PIEZO2: variants seen among roughly 807,000 people sequenced by gnomAD.
The protein encoded by PIEZO2 is piezo-type mechanosensitive ion channel component 2.
A neutral mutation model predicts 337.3 loss-of-function variants in PIEZO2; 172 were observed. The observed-to-expected ratio is 0.51, with a 90% CI of 0.45 to 0.58. The LOEUF (loss-of-function observed/expected upper bound fraction) is 0.58. Ranked by LOEUF, PIEZO2 falls within the 20% of genes least tolerant of loss-of-function variation. The pLI, the probability that PIEZO2 is intolerant of heterozygous loss-of-function variation, is 0.00. For synonymous variants in PIEZO2, 1,251 were observed against 1,228.5 expected, an observed-to-expected ratio of 1.02 and a Z score of -0.38; for missense variants, 3,028 against 3,391.3, an observed-to-expected ratio of 0.89 and a Z score of 2.66.
intron 2 of PIEZO2, among the ~76,000 whole-genome samples, chr18:11,040,330 C>T (rs1027272700): frequency 2.0e-5 from 3 of 152,192 alleles, no homozygotes; most frequent in African/African-American, 4.8e-5. Flanking sequence ...AGTTTAGAGA[C>T]ATTATTTTAT....
chr18:10,783,873 A>G lies in PIEZO2; in HGVS notation c.2492+911T>C, dbSNP rs2039118103. Among the ~76,000 whole-genome samples the G allele has an allele frequency of 6.6e-6, 1 of 152,224 alleles. No homozygotes were observed. Among genetic ancestry groups the G allele is most frequent in the African/African-American group, 2.4e-5 (1 of 41,458 alleles). On this transcript the variant is annotated intron_variant, in intron 17 of 55. Transcript: ENST00000674853. This position sits in a 1 kb window ranked among gnomAD's most constrained non-coding sequence, Gnocchi z 4.3. ...TAGTTCCTACACAGCAGAACGCTGG[A>G]AGTTTGGCATTTTACGAAATGCATA... is the stretch of plus-strand genomic sequence containing the variant.
intron 15 of PIEZO2, 28 bp from the exon 16 acceptor site, chr18:10,787,212 A>G (rs149949490): frequency 7.4e-7 from 1 of 1,348,942 alleles, no homozygotes; most frequent in South Asian, 1.4e-5. Flanking sequence ...AAAAAAAAAA[A>G]TGAGAAAAAA....
intron 2 of PIEZO2, among the ~76,000 whole-genome samples, chr18:11,007,956 T>C (rs537090663): frequency 6.6e-6 from 1 of 152,244 alleles, no homozygotes; most frequent in African/African-American, 2.4e-5. Flanking sequence ...TGAATAAATA[T>C]AAAACATGCG....
At position 10,748,493 on chromosome 18, in the gene PIEZO2, C is replaced by T. The variant is rs1167919021; in HGVS notation, c.4402G>A (p.Ala1468Thr). ...YFLHVVADIK[A>T]SQILASRGAE... ...CACCTTGATGCCAGAATCTGGGAAG[C>T]TTTTATATCAGCCACAACATGTAGA... The change falls in exon 30 of 56, where the codon GCT becomes ACT. Residue 1468 changes from alanine (A) to threonine (T), a missense_variant. This residue lies in a region of PIEZO2 where 1,925 missense variants were observed against 2,051.9 expected (regional missense o/e 0.94). Transcript: ENST00000674853. The surrounding 1 kb of genome is among the most constrained non-coding windows in gnomAD (Gnocchi z 5.1). 2 of 1,536,884 alleles carry T rather than the reference C, an allele frequency of 1.3e-6. No homozygotes were observed. The highest frequency in any genetic ancestry group is 3.9e-5 in the Admixed American group (2 of 50,964).
intron 20 of PIEZO2, 89 bp from the exon 21 acceptor site, chr18:10,770,397 G>A: frequency 1.5e-6 from 2 of 1,308,222 alleles, no homozygotes; most frequent in Non-Finnish European, 2.0e-6. Context: ...GTTGGAATGA[G>A]AGGCTGCAAA....
chr18:10,858,021 A>T (rs1306997804), intron 5 of PIEZO2, among the ~76,000 whole-genome samples: 7 of 134,596 alleles, frequency 5.2e-5, no homozygotes, highest in Admixed American at 1.5e-4. Flanking sequence ...TTTTTTTTTT[A>T]AAGAAATCAT....
At chr18:10,782,908 C>T (rs575252036) in intron 17 of PIEZO2, among the ~76,000 whole-genome samples, 65 of 152,262 alleles carry the variant, frequency 4.3e-4, no homozygotes, top group African/African-American at 1.5e-3. Context: ...TAGGTCCAAA[C>T]CTTGGGAGTC....
In PIEZO2 at chr18:10,945,378, G is replaced by A. The variant is rs570162837; in HGVS notation, c.287-34150C>T. 1.3e-5 allele frequency among the ~76,000 whole-genome samples: 2 copies of A among 152,256 alleles called. No homozygotes were observed. The highest frequency in any genetic ancestry group is 3.9e-4 in the East Asian group (2 of 5,170). On this transcript the variant is annotated intron_variant, in intron 3 of 55. Transcript: ENST00000674853. The surrounding 1 kb of genome is among the most constrained non-coding windows in gnomAD (Gnocchi z 4.0). ...CTAAAAGACCCTCTCTTCCTTAAGA[G>A]AGAACAGTGCCCACCTTTCTCACAG... is the stretch of plus-strand genomic sequence containing the variant.
At chr18:10,812,621 C>T (rs1004207804) in intron 7 of PIEZO2, among the ~76,000 whole-genome samples, 3 of 152,180 alleles carry the variant, frequency 2.0e-5, no homozygotes, top group Non-Finnish European at 4.4e-5. Flanking sequence ...AGTCTTCCCC[C>T]TGAGGTCCAG....
rs1365509678 is a variant in PIEZO2 at position 11,078,771 on chromosome 18, G to A, written c.65-12549C>T. ...ATGAATTGGATGAATGCCTCAAAAT[G>A]AACCTCTTTTGCCAGATCTCTTCAG... On this transcript the variant is annotated intron_variant, in intron 1 of 55. Transcript: ENST00000674853. The surrounding 1 kb of genome is among the most constrained non-coding windows in gnomAD (Gnocchi z 5.3). 6.6e-6 allele frequency among the ~76,000 whole-genome samples: 1 copy of A among 152,192 alleles called. No individual in the cohort carries two copies. Among genetic ancestry groups the A allele is most frequent in the East Asian group, 1.9e-4 (1 of 5,188 alleles).
At chr18:10,695,251 T>C (rs927752790) in intron 47 of PIEZO2, among the ~76,000 whole-genome samples, 25 of 152,228 alleles carry the variant, frequency 1.6e-4, no homozygotes, top group African/African-American at 4.1e-4. Context: ...AAGTGTTATC[T>C]GAACAGAGAT....
intron 7 of PIEZO2, among the ~76,000 whole-genome samples, chr18:10,844,510 C>T (rs1399721746): frequency 2.7e-5 from 4 of 150,608 alleles, no homozygotes; most frequent in Non-Finnish European, 4.4e-5. Flanking sequence ...ACCTACTGGC[C>T]GGGCACGGTG....
chr18:11,033,628 G>A lies in PIEZO2; in HGVS notation c.160+32499C>T, dbSNP rs1196475258. On this transcript the variant is annotated intron_variant, in intron 2 of 55. Transcript: ENST00000674853. This position sits in a 1 kb window ranked among gnomAD's most constrained non-coding sequence, Gnocchi z 4.2. ...GCATTTCACTGAAAAAAGCTAGTCT[G>A]AAAACATAAACCATATAACGAGTCA... 6.6e-6 allele frequency among the ~76,000 whole-genome samples: 1 copy of A among 152,122 alleles called. No homozygotes were observed. The highest frequency in any genetic ancestry group is 1.5e-5 in the Non-Finnish European group (1 of 68,022).
chr18:10,774,467 T>C (rs1421818814), intron 18 of PIEZO2, among the ~76,000 whole-genome samples: 1 of 151,108 alleles, frequency 6.6e-6, no homozygotes, highest in African/African-American at 2.4e-5. Context: ...CCATGGAAGC[T>C]AAGTGTTTTC....
At position 10,872,292 on chromosome 18, in the gene PIEZO2, A is replaced by G. The variant is rs1009388544; in HGVS notation, c.330-877T>C. Among the ~76,000 whole-genome samples the G allele has an allele frequency of 6.6e-5, 10 of 152,180 alleles. No homozygotes were observed. The highest frequency in any genetic ancestry group is 1.3e-4 in the Non-Finnish European group (9 of 68,042). Reference sequence around the variant, plus strand: ...TGAGATCCTGAAACAAATATATTTAATAATATAGCAGGCAGCAAAGGCCAG... The same window carrying G: ...TGAGATCCTGAAACAAATATATTTAGTAATATAGCAGGCAGCAAAGGCCAG... On this transcript the variant is annotated intron_variant, in intron 4 of 55. Coordinates refer to ENST00000674853, the MANE Select transcript of PIEZO2 (RefSeq NM_001378183.1). The surrounding 1 kb of genome is among the most constrained non-coding windows in gnomAD (Gnocchi z 4.3).
At chr18:10,825,036 G>A (rs1404269298) in intron 7 of PIEZO2, among the ~76,000 whole-genome samples, 3 of 152,012 alleles carry the variant, frequency 2.0e-5, no homozygotes, top group African/African-American at 7.2e-5. Flanking sequence ...GCTAATTTTT[G>A]TATGTTTCAT....
intron 3 of PIEZO2, among the ~76,000 whole-genome samples, chr18:10,915,237 T>C (rs1318029869): frequency 7.4e-6 from 1 of 134,520 alleles, no homozygotes; most frequent in Admixed American, 7.8e-5. Flanking sequence ...GAGGGAAGAA[T>C]GGGTCACGTG....
chr18:10,867,488 T>C (rs2042035912), intron 5 of PIEZO2, among the ~76,000 whole-genome samples: 1 of 152,234 alleles, frequency 6.6e-6, no homozygotes, highest in Admixed American at 6.5e-5. Context: ...CCTGAATTTT[T>C]AGCAGATGGG....
chr18:11,058,968 G>C (rs536804705), intron 2 of PIEZO2, among the ~76,000 whole-genome samples: 2 of 152,198 alleles, frequency 1.3e-5, no homozygotes. Context: ...ATTCACCAAA[G>C]TTGAAATGAA....
Sources: allele counts gnomAD v4.1 joint callset (sites outside exome capture counted in the v4.1 genomes callset), GRCh38; gene constraint gnomAD v4.1.1; regional missense constraint gnomAD v4.1.1; non-coding constraint Gnocchi (gnomAD v3.1); transcripts MANE v1.5; gene names NCBI Gene and HGNC (gene_info 2026-07-23, HGNC 2026-07-21).